The following HOMER2 variants were observed in gnomAD, a reference collection of about 807,000 sequenced individuals.
HOMER2 encodes homer protein homolog 2.
Under a neutral mutation model 47.0 loss-of-function variants are expected in HOMER2, and 27 were observed. The observed-to-expected ratio is 0.57, with a 90% CI of 0.42 to 0.79. HOMER2 has a LOEUF of 0.79. Ranked by LOEUF, HOMER2 falls within the 30% of genes least tolerant of loss-of-function variation. The probability of loss-of-function intolerance (pLI) is 0.00; values close to 1 mark genes in which losing one functional copy is unlikely to be tolerated. For missense variants in HOMER2, 443 were observed against 435.0 expected (o/e 1.02, Z -0.16); for synonymous variants, 161 against 163.8 (o/e 0.98, Z 0.13).
chr15:82,910,739 T>A (rs904807125), intron 1 of HOMER2, among the ~76,000 whole-genome samples: 5 of 152,216 alleles, frequency 3.3e-5, no homozygotes, highest in African/African-American at 4.8e-5. Context: ...TCTAAATTCC[T>A]CAGATGGGAG....
At chr15:82,956,280 G>A (rs888271610), upstream of HOMER2, among the ~76,000 whole-genome samples, 9 of 150,528 alleles carry the variant, frequency 6.0e-5, no homozygotes, top group African/African-American at 2.2e-4. Flanking sequence ...AGACAAAGAA[G>A]CATCAGTCAT....
At chr15:82,936,039 T>A (rs1421311563) in intron 1 of HOMER2, among the ~76,000 whole-genome samples, 3 of 152,248 alleles carry the variant, frequency 2.0e-5, no homozygotes, top group South Asian at 4.1e-4. Context: ...CGTCCTCGCA[T>A]ACGTCTTTCT....
In HOMER2 at chr15:82,892,611, C is replaced by T. The variant is rs535709031; in HGVS notation, c.162+74G>A. The T allele has an allele frequency of 6.7e-5, 79 of 1,184,334 alleles. No homozygotes were observed. The African/African-American group carries it at 8.7e-4, about 13-fold the overall frequency. 73.4% of individuals were successfully genotyped at this position (1,184,334 alleles called of 1,614,324 possible). A position where few individuals can be genotyped will look rare whatever the true frequency, so the allele number is the denominator to read the frequency against. On this transcript the variant is annotated intron_variant, in intron 2 of 8. Transcript: ENST00000450735. ...TATAACAATAACTTATGTGTTAAGACGGCAGGATTTTGGGTGCATCTTGGA... is the reference window on the plus strand; with the variant it reads ...TATAACAATAACTTATGTGTTAAGATGGCAGGATTTTGGGTGCATCTTGGA...
chr15:82,892,904 C>G, intron 1 of HOMER2, 63 bp from the exon 2 acceptor site: 1 of 1,298,810 alleles, frequency 7.7e-7, no homozygotes, highest in South Asian at 2.3e-5. Flanking sequence ...TTTATGATTT[C>G]TAGGCCACCT....
At chr15:82,929,150 G>A (rs1252188305) in intron 1 of HOMER2, among the ~76,000 whole-genome samples, 4 of 151,930 alleles carry the variant, frequency 2.6e-5, no homozygotes, top group Non-Finnish European at 5.9e-5. Context: ...AGCCTAACAG[G>A]CTTAACTTAT....
At chr15:82,904,323 T>C (rs913910803) in intron 1 of HOMER2, among the ~76,000 whole-genome samples, 3 of 152,132 alleles carry the variant, frequency 2.0e-5, no homozygotes, top group Non-Finnish European at 4.4e-5. Context: ...CAGGAAAACC[T>C]GAACTACAAT....
rs1382854234 is a variant in HOMER2, at chr15:82,854,752, C to T, written c.543G>A (p.Glu181=). 3 of 1,612,016 alleles carry T rather than the reference C, an allele frequency of 1.9e-6. No individual in the cohort carries two copies. The highest frequency in any genetic ancestry group is 8.5e-7 in the Non-Finnish European group (1 of 1,179,844). ...GTGCTGTGGTCAGCCGTGCATTGCT[C>T]TCCCGAAGGGTCTGCAGCTCGATCT... ...KWEIELQTLR[E]SNARLTTALQ... Residue 181 remains glutamate, a synonymous_variant, in exon 6 of 9, where the codon GAG becomes GAA. Coordinates refer to ENST00000450735, the MANE Select transcript of HOMER2 (RefSeq NM_004839.4).
chr15:82,952,788 G>T, upstream of HOMER2: 1 of 788,458 alleles, frequency 1.3e-6, no homozygotes, highest in Non-Finnish European at 1.5e-6. Context: ...CGCTACCCCC[G>T]CCCGGCTCCT....
chr15:82,970,125 T>G (rs918853946), intron 1 of HOMER2, among the ~76,000 whole-genome samples: 4 of 152,232 alleles, frequency 2.6e-5, no homozygotes, highest in African/African-American at 7.2e-5. Context: ...GCCATAGGAA[T>G]AGATACAATT....
intron 1 of HOMER2, among the ~76,000 whole-genome samples, chr15:82,971,614 A>G (rs541948731): frequency 2.6e-4 from 40 of 152,300 alleles, no homozygotes; most frequent in Non-Finnish European, 4.6e-4. Flanking sequence ...CTTACAGTGG[A>G]GAATTTATTT....
intron 1 of HOMER2, among the ~76,000 whole-genome samples, chr15:82,918,978 T>C (rs1332354138): frequency 6.6e-6 from 1 of 152,214 alleles, no homozygotes; most frequent in Non-Finnish European, 1.5e-5. Flanking sequence ...CGTTTTTTTC[T>C]AATTTGTACA....
downstream of HOMER2, among the ~76,000 whole-genome samples, chr15:82,836,416 CCTGCCA>C (rs1013322410): frequency 2.0e-5 from 3 of 152,244 alleles, no homozygotes; most frequent in African/African-American, 7.2e-5. Flanking sequence ...AGCCCCTGCC[CCTGCCA>C]CAGGTTTTAG....
At chr15:82,839,086 C>CT (rs1215525058) in exon 2 of HOMER2, 5 of 142,716 alleles carry the variant, frequency 3.5e-5, no homozygotes, top group African/African-American at 1.3e-4. Flanking sequence ...TGGCGGGACT[C>CT]TGACTCTACA....
In HOMER2 at chr15:82,894,824, CA is replaced by C. The variant is rs201306560; in HGVS notation, c.6-1984del. Among the ~76,000 whole-genome samples the C allele has an allele frequency of 4.8e-3, 613 of 128,798 alleles. 1 individual carries two copies. The highest frequency in any genetic ancestry group is 0.012 in the Middle Eastern group (3 of 246). The allele number at this position is 128,798 out of a possible 152,430, so 84.5% of individuals were successfully genotyped here. On this transcript the variant is annotated intron_variant, in intron 1 of 8. Coordinates refer to ENST00000450735, the MANE Select transcript of HOMER2 (RefSeq NM_004839.4). ...AAATAAAAGAGACATAGACAAGATA[CA>C]AAAAAAAAAAAATCAAAGAGAAAAG...
chr15:82,868,541 A>ATATAT lies in HOMER2; in HGVS notation c.295-4283_295-4282insATATA. On this transcript the variant is annotated intron_variant, in intron 3 of 8. Coordinates refer to ENST00000450735, the MANE Select transcript of HOMER2 (RefSeq NM_004839.4). ...ATTTATTTTATATATATATATATAT[A>ATATAT]TTTTTTTTTTTTTTTTTCCCCTTTT... Among the ~76,000 whole-genome samples the ATATAT allele has an allele frequency of 3.4e-3, 242 of 71,268 alleles. 3 individuals carry two copies. The highest frequency in any genetic ancestry group is 3.9e-3 in the African/African-American group (78 of 19,996). The allele number at this position is 71,268 out of a possible 152,430, so 46.8% of individuals were successfully genotyped here. A position where few individuals can be genotyped will look rare whatever the true frequency, so the allele number is the denominator to read the frequency against.
At chr15:82,953,756 G>T (rs2054554413), upstream of HOMER2, among the ~76,000 whole-genome samples, 1 of 152,126 alleles carries the variant, frequency 6.6e-6, no homozygotes, top group Non-Finnish European at 1.5e-5. Context: ...GGAGACAGGC[G>T]CCTGTAGTCC....
intron 1 of HOMER2, among the ~76,000 whole-genome samples, chr15:82,976,955 C>A (rs566363462): frequency 1.3e-5 from 2 of 151,882 alleles, no homozygotes; most frequent in African/African-American, 4.8e-5. Flanking sequence ...GGATTACAGG[C>A]GTGAGCTACC....
chr15:82,864,927 AAAGT>A (rs2051917312), intron 3 of HOMER2, among the ~76,000 whole-genome samples: 1 of 152,256 alleles, frequency 6.6e-6, no homozygotes. Flanking sequence ...GTGGTATTAC[AAAGT>A]AAGAGCTAAA....
chr15:82,852,026 G>T, intron 7 of HOMER2, 116 bp downstream of exon 7: 1 of 670,392 alleles, frequency 1.5e-6, no homozygotes. Flanking sequence ...CTCTCTCTCC[G>T]TGCTGCTATC....
Sources: gnomAD v4.1 joint callset for allele counts (sites outside exome capture counted in the v4.1 genomes callset) on GRCh38, gnomAD v4.1.1 for gene constraint, MANE v1.5 for transcripts, NCBI Gene and HGNC (gene_info 2026-07-23, HGNC 2026-07-21) for gene names.